FAM168A: variants seen among roughly 807,000 people sequenced by gnomAD.
FAM168A encodes the protein protein FAM168A.
In FAM168A, 3 loss-of-function variants were observed where a neutral mutation model predicts 28.5. The ratio of observed to expected loss-of-function variants is 0.11; its 90% CI spans 0.05 to 0.27. FAM168A has a LOEUF of 0.27. Among genes scored for constraint, FAM168A ranks in the 10% least tolerant of loss-of-function variants. The probability of loss-of-function intolerance (pLI) is 1.00; values close to 1 mark genes in which losing one functional copy is unlikely to be tolerated. For synonymous variants in FAM168A, 122 were observed against 124.2 expected, an observed-to-expected ratio of 0.98 and a Z score of 0.12; for missense variants, 222 against 311.5, an observed-to-expected ratio of 0.71 and a Z score of 2.16.
Position 73,564,566 on chromosome 11 carries a change from G to A in FAM168A, c.-19+33357C>T, listed in dbSNP as rs187415272. ...ATCCTGGCTAACACAGTGAAACCCC[G>A]TCTCTACTAAAAATACAAAAAAAAA... On this transcript the variant is annotated intron_variant, in intron 1 of 7. Coordinates refer to ENST00000356467, the MANE Select transcript of FAM168A (RefSeq NM_015159.3). 4.8e-3 allele frequency among the ~76,000 whole-genome samples: 725 copies of A among 151,296 alleles called. 7 individuals are homozygous for A. Among genetic ancestry groups the A allele is most frequent in the African/African-American group, 0.017 (697 of 41,176 alleles).
chr11:73,594,920 T>C (rs1235957559), intron 1 of FAM168A, among the ~76,000 whole-genome samples: 2 of 152,190 alleles, frequency 1.3e-5, no homozygotes, highest in African/African-American at 2.4e-5. Flanking sequence ...CCTAAACTCA[T>C]GGGCTATTCG....
chr11:73,586,115 T>C (rs1796343763), intron 1 of FAM168A, among the ~76,000 whole-genome samples: 1 of 152,084 alleles, frequency 6.6e-6, no homozygotes, highest in South Asian at 2.1e-4. Context: ...GATATACAAA[T>C]AATCAGTGAG....
At chr11:73,527,336 AATGAGT>A (rs1943460646) in intron 1 of FAM168A, among the ~76,000 whole-genome samples, 1 of 152,174 alleles carries the variant, frequency 6.6e-6, no homozygotes, top group African/African-American at 2.4e-5. Flanking sequence ...AGAATTAATC[AATGAGT>A]ATGTATTAAG....
rs535518736 is a variant in FAM168A at position 73,498,704 on chromosome 11, G to A, written c.-18-30212C>T. 5.9e-5 allele frequency among the ~76,000 whole-genome samples: 9 copies of A among 152,288 alleles called. No individual in the cohort carries two copies. In the East Asian group the frequency reaches 1.7e-3, roughly 29 times the overall value. ...TGGAGCCCGGGAGGCTGAATGGCTT[G>A]GTCCCAAGACTTGTCCCACAGCCCA... On this transcript the variant is annotated intron_variant, in intron 1 of 7. Coordinates refer to ENST00000356467, the MANE Select transcript of FAM168A (RefSeq NM_015159.3).
intron 3 of FAM168A, among the ~76,000 whole-genome samples, chr11:73,426,703 C>CTGTGTGTGTGTGTG (rs34499254): frequency 0.037 from 5,305 of 144,196 alleles, 137 homozygotes; most frequent in Non-Finnish European, 0.044. Flanking sequence ...CCAAAATATG[C>CTGTGTGTGTGTGTG]TGTGTGTGTG....
At chr11:73,578,335 T>C (rs1410597164) in intron 1 of FAM168A, among the ~76,000 whole-genome samples, 1 of 152,060 alleles carries the variant, frequency 6.6e-6, no homozygotes, top group East Asian at 1.9e-4. Flanking sequence ...CCAAGAAACT[T>C]GGGAGGTGAT....
intron 3 of FAM168A, among the ~76,000 whole-genome samples, chr11:73,427,394 G>A (rs1439100727): frequency 6.6e-6 from 1 of 152,218 alleles, no homozygotes; most frequent in East Asian, 1.9e-4. Flanking sequence ...ATGCCAGGAT[G>A]TACTCAATCT....
At chr11:73,430,352 C>A in intron 3 of FAM168A, 5 of 315,314 alleles carry the variant, frequency 1.6e-5, no homozygotes, top group South Asian at 1.3e-4. Context: ...GTGTGTGTCC[C>A]AATGGCAGCC....
chr11:73,551,436 T>C (rs1261575914), intron 1 of FAM168A, among the ~76,000 whole-genome samples: 3 of 152,214 alleles, frequency 2.0e-5, no homozygotes, highest in Admixed American at 6.5e-5. Flanking sequence ...CATTCGTCTA[T>C]GCCTCTCAAA....
At chr11:73,544,021 A>T (rs1165648867) in intron 1 of FAM168A, among the ~76,000 whole-genome samples, 2 of 152,136 alleles carry the variant, frequency 1.3e-5, no homozygotes, top group Non-Finnish European at 2.9e-5. Context: ...AGTCCTAGCT[A>T]GTTGGGAGGC....
chr11:73,596,312 A>G (rs1227158286), intron 1 of FAM168A, among the ~76,000 whole-genome samples: 1 of 152,244 alleles, frequency 6.6e-6, no homozygotes, highest in Non-Finnish European at 1.5e-5. Context: ...GAAAAGGCAG[A>G]GACATCATAT....
chr11:73,589,905 C>T (rs1005425997), intron 1 of FAM168A, among the ~76,000 whole-genome samples: 8 of 152,012 alleles, frequency 5.3e-5, no homozygotes, highest in East Asian at 3.9e-4. Flanking sequence ...CCAGCCTGGG[C>T]GACAAGAGTG....
At chr11:73,462,499 C>T (rs61236919) in intron 2 of FAM168A, among the ~76,000 whole-genome samples, 11,225 of 152,066 alleles carry the variant, frequency 0.074, 1,235 homozygotes, top group African/African-American at 0.24. Flanking sequence ...TTTTGCAAGA[C>T]GAAAGGAGTT....
intron 2 of FAM168A, among the ~76,000 whole-genome samples, chr11:73,455,461 C>T (rs1279683983): frequency 6.6e-6 from 1 of 152,226 alleles, no homozygotes; most frequent in Non-Finnish European, 1.5e-5. Context: ...ATACACCATG[C>T]TTCCACAGCA....
At chr11:73,452,001 C>T (rs988876731) in intron 2 of FAM168A, 5 of 152,234 alleles carry the variant, frequency 3.3e-5, no homozygotes, top group African/African-American at 9.6e-5. Flanking sequence ...TTGGATAATA[C>T]AGATTAAGTA....
chr11:73,538,458 C>T (rs1943610844), intron 1 of FAM168A, among the ~76,000 whole-genome samples: 1 of 152,190 alleles, frequency 6.6e-6, no homozygotes, highest in Admixed American at 6.5e-5. Context: ...TGATAGATCT[C>T]CATTCCAGAA....
At chr11:73,575,234 C>T (rs1284249069) in intron 1 of FAM168A, among the ~76,000 whole-genome samples, 1 of 152,100 alleles carries the variant, frequency 6.6e-6, no homozygotes, top group East Asian at 1.9e-4. Flanking sequence ...GCCTAGAAGT[C>T]CTTTAATTTT....
rs139151066 is a variant in FAM168A at position 73,478,342 on chromosome 11, C to T, written c.-18-9850G>A. Among the ~76,000 whole-genome samples, 320 of 152,190 alleles carry T rather than the reference C, an allele frequency of 2.1e-3. 1 individual carries two copies. The highest frequency in any genetic ancestry group is 7.4e-3 in the African/African-American group (307 of 41,518). ...ATGAATTAACCTTGAAAATATTATG[C>T]TAAGTGGAAGAAGCCAGGGCAAAAG... On this transcript the variant is annotated intron_variant, in intron 1 of 7. Transcript: ENST00000356467.
rs1000009170 is a variant in FAM168A, at chr11:73,521,151, T to C, written c.-18-52659A>G. ...TAGCCTTATAATTTGACAGGATTGG[T>C]AGGTTGTTCTGCATGTGCGACCTAG... On this transcript the variant is annotated intron_variant, in intron 1 of 7. Transcript: ENST00000356467. Among the ~76,000 whole-genome samples, 7 of 152,220 alleles carry C rather than the reference T, an allele frequency of 4.6e-5. No homozygotes were observed. In the South Asian group the frequency reaches 8.3e-4, roughly 18 times the overall value.
Sources: gnomAD v4.1 joint callset for allele counts (sites outside exome capture counted in the v4.1 genomes callset) on GRCh38, gnomAD v4.1.1 for gene constraint, MANE v1.5 for transcripts, NCBI Gene and HGNC (gene_info 2026-07-23, HGNC 2026-07-21) for gene names.